AFG1L: variants seen among roughly 807,000 people sequenced by gnomAD.
AFG1L encodes the protein AFG1 like ATPase.
In AFG1L, 53 loss-of-function variants were observed where a neutral mutation model predicts 62.2. The ratio of observed to expected loss-of-function variants is 0.85; its 90% CI spans 0.68 to 1.07. AFG1L has a LOEUF of 1.07. AFG1L is among the 50% of genes least tolerant of loss of function. The probability of loss-of-function intolerance (pLI) is 0.00; values close to 1 mark genes in which losing one functional copy is unlikely to be tolerated. For missense variants in AFG1L, 555 were observed against 590.5 expected (o/e 0.94, Z 0.62); for synonymous variants, 228 against 210.3 (o/e 1.08, Z -0.73).
chr6:108,432,339 C>T (rs899558683), intron 7 of AFG1L, among the ~76,000 whole-genome samples: 1 of 152,146 alleles, frequency 6.6e-6, no homozygotes, highest in Non-Finnish European at 1.5e-5. Flanking sequence ...CCTCTTTAAA[C>T]TACTTCAGCT....
intron 7 of AFG1L, among the ~76,000 whole-genome samples, chr6:108,409,824 A>G (rs1319540631): frequency 6.6e-6 from 1 of 152,226 alleles, no homozygotes; most frequent in African/African-American, 2.4e-5. Context: ...CATGAAAACT[A>G]CTGCAGAAAA....
chr6:108,459,444 C>T (rs1490895392), intron 8 of AFG1L, among the ~76,000 whole-genome samples: 2 of 152,164 alleles, frequency 1.3e-5, no homozygotes, highest in African/African-American at 4.8e-5. Context: ...CCAGTGTCTG[C>T]AAACCATTGT....
At chr6:108,365,183 A>T (rs1224580629) in intron 5 of AFG1L, among the ~76,000 whole-genome samples, 1 of 152,152 alleles carries the variant, frequency 6.6e-6, no homozygotes, top group Admixed American at 6.6e-5. Flanking sequence ...CATTGGGAGT[A>T]TCTAAAGTCC....
At position 108,422,502 on chromosome 6, in the gene AFG1L, A is replaced by G. The variant is rs557274375; in HGVS notation, c.807+20448A>G. Among the ~76,000 whole-genome samples the G allele has an allele frequency of 1.2e-3, 183 of 149,520 alleles. 2 individuals are homozygous for G. Among genetic ancestry groups the G allele is most frequent in the Middle Eastern group, 3.4e-3 (1 of 292 alleles). Reference sequence around the variant, plus strand: ...CAAAAAAAAAAAAAAAAAAAAAAGAAGAAGAAATGCTCTATTTCAGAATCT... The same window carrying G: ...CAAAAAAAAAAAAAAAAAAAAAAGAGGAAGAAATGCTCTATTTCAGAATCT... On this transcript the variant is annotated intron_variant, in intron 7 of 12. Coordinates refer to ENST00000368977, the MANE Select transcript of AFG1L (RefSeq NM_145315.5).
intron 2 of AFG1L, chr6:108,344,953 T>C (rs754976292): frequency 2.8e-6 from 1 of 357,972 alleles, no homozygotes. Flanking sequence ...GCAGTGCCAC[T>C]GTGGTCCTGG....
At chr6:108,333,933 G>A (rs1778374149) in intron 2 of AFG1L, among the ~76,000 whole-genome samples, 1 of 152,210 alleles carries the variant, frequency 6.6e-6, no homozygotes, top group African/African-American at 2.4e-5. Flanking sequence ...AATTTTGCCT[G>A]TTTGTAATAT....
chr6:108,325,242 C>CA (rs1284638853), intron 2 of AFG1L, among the ~76,000 whole-genome samples: 6 of 152,150 alleles, frequency 3.9e-5, no homozygotes, highest in Admixed American at 1.3e-4. Flanking sequence ...CATTTCCTTA[C>CA]CTAGGCAAGC....
At chr6:108,321,356 C>T (rs1777806113) in intron 1 of AFG1L, among the ~76,000 whole-genome samples, 1 of 152,144 alleles carries the variant, frequency 6.6e-6, no homozygotes, top group South Asian at 2.1e-4. Context: ...GTTGAACGCA[C>T]CTAGATGTGT....
At chr6:108,439,980 CA>C (rs1383173001) in intron 7 of AFG1L, among the ~76,000 whole-genome samples, 1 of 151,926 alleles carries the variant, frequency 6.6e-6, no homozygotes, top group Non-Finnish European at 1.5e-5. Flanking sequence ...TTTAAGATAT[CA>C]AAAAAATTAA....
intron 2 of AFG1L, among the ~76,000 whole-genome samples, chr6:108,346,076 C>T (rs1045934270): frequency 6.6e-6 from 1 of 152,096 alleles, no homozygotes. Context: ...GACTGTGAAC[C>T]CCTCGCTGTG....
chr6:108,505,757 A>C (rs1774395090), intron 10 of AFG1L, among the ~76,000 whole-genome samples: 1 of 152,230 alleles, frequency 6.6e-6, no homozygotes, highest in African/African-American at 2.4e-5. Flanking sequence ...GCTAAGGAGA[A>C]GCACAGTGGA....
rs1404510455 is a variant in AFG1L, at chr6:108,525,803, A to T, written c.*3378A>T. ...GCTAACGTATTAAATTTTCCATTTCATTGCCTCTGTCCTGAAAACAGTATT... is the reference window on the plus strand; with the variant it reads ...GCTAACGTATTAAATTTTCCATTTCTTTGCCTCTGTCCTGAAAACAGTATT... On this transcript the variant is annotated 3_prime_UTR_variant, in exon 13 of 13. Transcript: ENST00000368977. 1 of 152,248 alleles carries T rather than the reference A, an allele frequency of 6.6e-6. No homozygotes were observed. Among genetic ancestry groups the T allele is most frequent in the Non-Finnish European group, 1.5e-5 (1 of 68,044 alleles). 9.4% of individuals were successfully genotyped at this position (152,248 alleles called of 1,614,324 possible). A position where few individuals can be genotyped will look rare whatever the true frequency, so the allele number is the denominator to read the frequency against.
At chr6:108,439,174 C>T (rs1043771583) in intron 7 of AFG1L, among the ~76,000 whole-genome samples, 5 of 152,188 alleles carry the variant, frequency 3.3e-5, no homozygotes, top group Non-Finnish European at 5.9e-5. Flanking sequence ...CTCAATTTAT[C>T]AACTTGAAAA....
chr6:108,420,491 A>G (rs1489610170), intron 7 of AFG1L, among the ~76,000 whole-genome samples: 1 of 150,478 alleles, frequency 6.6e-6, no homozygotes, highest in Non-Finnish European at 1.5e-5. Context: ...ATTTAAGAAA[A>G]TTGGCTGTAG....
At chr6:108,392,866 T>A (rs1243483168) in intron 6 of AFG1L, among the ~76,000 whole-genome samples, 1 of 152,126 alleles carries the variant, frequency 6.6e-6, no homozygotes, top group Non-Finnish European at 1.5e-5. Flanking sequence ...TGTATATATA[T>A]AAATAAGCAT....
chr6:108,413,556 C>T (rs144592945), intron 7 of AFG1L, among the ~76,000 whole-genome samples: 6,790 of 152,144 alleles, frequency 0.045, 219 homozygotes, highest in South Asian at 0.11. Flanking sequence ...ACAGAAATTA[C>T]AACAAACTGT....
intron 2 of AFG1L, among the ~76,000 whole-genome samples, chr6:108,332,025 C>T (rs940744351): frequency 6.6e-6 from 1 of 152,198 alleles, no homozygotes; most frequent in South Asian, 2.1e-4. Flanking sequence ...CTCCTCCTCA[C>T]CCTTCCAAGA....
intron 7 of AFG1L, among the ~76,000 whole-genome samples, chr6:108,410,142 C>T (rs1021303511): frequency 2.6e-5 from 4 of 151,898 alleles, no homozygotes; most frequent in African/African-American, 9.7e-5. Flanking sequence ...CCCATCTCTA[C>T]TAAAAATACA....
chr6:108,426,810 A>T (rs1272595471), intron 7 of AFG1L, among the ~76,000 whole-genome samples: 2 of 151,846 alleles, frequency 1.3e-5, no homozygotes, highest in African/African-American at 4.8e-5. Flanking sequence ...CTCCCCCTTC[A>T]CCACTCTTCC....
Sources: gnomAD v4.1 joint callset for allele counts (sites outside exome capture counted in the v4.1 genomes callset) on GRCh38, gnomAD v4.1.1 for gene constraint, MANE v1.5 for transcripts, NCBI Gene and HGNC (gene_info 2026-07-23, HGNC 2026-07-21) for gene names.